Variants in PCSK5 observed in about 807,000 individuals in gnomAD.
The protein encoded by PCSK5 is proprotein convertase subtilisin/kexin type 5.
PCSK5 carries 129 observed loss-of-function variants against 233.2 expected under a neutral mutation model. That is an observed-to-expected ratio of 0.55 (90% CI 0.48 to 0.64). PCSK5 has a LOEUF of 0.64. Ranked by LOEUF, PCSK5 falls within the 30% of genes least tolerant of loss-of-function variation. PCSK5 has a pLI of 0.00. For synonymous variants in PCSK5, 825 were observed against 879.2 expected, an observed-to-expected ratio of 0.94 and a Z score of 1.09; for missense variants, 2,076 against 2,430.1, an observed-to-expected ratio of 0.85 and a Z score of 3.06.
intron 5 of PCSK5, among the ~76,000 whole-genome samples, chr9:76,039,800 C>T (rs1829015544): frequency 6.6e-6 from 1 of 152,096 alleles, no homozygotes; most frequent in East Asian, 1.9e-4. Context: ...ATTTTGTCTT[C>T]CAAAAAAACT....
At chr9:76,237,634 G>T (rs1006809630) in intron 22 of PCSK5, among the ~76,000 whole-genome samples, 2 of 151,956 alleles carry the variant, frequency 1.3e-5, no homozygotes, top group African/African-American at 4.8e-5. Context: ...AAAATGGTTG[G>T]GCATGGTGGC....
At chr9:75,972,070 G>A (rs1247115549) in intron 2 of PCSK5, among the ~76,000 whole-genome samples, 1 of 152,040 alleles carries the variant, frequency 6.6e-6, no homozygotes, top group African/African-American at 2.4e-5. Flanking sequence ...GTATAAAGAA[G>A]GGGTCCAGTT....
chr9:76,061,414 C>T (rs537217286), intron 5 of PCSK5, among the ~76,000 whole-genome samples: 8 of 152,206 alleles, frequency 5.3e-5, no homozygotes, highest in Admixed American at 2.0e-4. Context: ...ACAAGTAAGT[C>T]GTGGGCCAAA....
intron 10 of PCSK5, among the ~76,000 whole-genome samples, chr9:76,154,028 C>A (rs1289892984): frequency 6.6e-6 from 1 of 152,200 alleles, no homozygotes; most frequent in African/African-American, 2.4e-5. Context: ...TGCTTCCAAA[C>A]TGCATAATGG....
At chr9:76,274,993 A>C (rs1043665797) in intron 24 of PCSK5, among the ~76,000 whole-genome samples, 1 of 152,130 alleles carries the variant, frequency 6.6e-6, no homozygotes, top group Non-Finnish European at 1.5e-5. Context: ...TTAGTAAAGC[A>C]AGAACTCACT....
At position 76,310,656 on chromosome 9, in the gene PCSK5, G is replaced by A; in HGVS notation, c.3689G>A (p.Gly1230Asp). The stretch of plus-strand genomic sequence containing the variant: ...TCTTCCCTCTTCCCTGAATTTCTAG[G>A]TGCATATCTTCTGGCTCAGGCCTGT... The part of the protein sequence containing the change: ...SATLCTSCPK[G>D]AYLLAQACVS... The change falls in exon 30 of 38, where the codon GGT becomes GAT. Residue 1230 changes from glycine to aspartate, a missense_variant and splice_region_variant. Gly to Asp is a moderately conservative substitution (Grantham distance 94). Around this residue, in one of 6 missense-constraint regions of PCSK5, gnomAD observed 1,510 missense variants for 1,538.1 expected, o/e 0.98. Coordinates refer to ENST00000674117, the MANE Select transcript of PCSK5 (RefSeq NM_001372043.1). The A allele has an allele frequency of 6.4e-7, 1 of 1,559,498 alleles. No individual in the cohort carries two copies.
chr9:76,246,936 G>T (rs2131338899), intron 24 of PCSK5, among the ~76,000 whole-genome samples: 1 of 152,366 alleles, frequency 6.6e-6, no homozygotes, highest in East Asian at 1.9e-4. Flanking sequence ...CAAGCCTCAT[G>T]TTCTCTGACC....
chr9:75,937,685 A>G (rs1051964372), intron 2 of PCSK5, among the ~76,000 whole-genome samples: 5 of 152,212 alleles, frequency 3.3e-5, no homozygotes, highest in Admixed American at 2.0e-4. Context: ...TATTTCATCT[A>G]CATTGAACAT....
intron 11 of PCSK5, among the ~76,000 whole-genome samples, chr9:76,157,652 T>G (rs1444603028): frequency 6.6e-6 from 1 of 151,892 alleles, no homozygotes; most frequent in Non-Finnish European, 1.5e-5. Context: ...CTTAGTAGGC[T>G]TATTAGTGTT....
chr9:75,929,851 T>C (rs1823696941), intron 1 of PCSK5, among the ~76,000 whole-genome samples: 1 of 150,040 alleles, frequency 6.7e-6, no homozygotes, highest in Non-Finnish European at 1.5e-5. Context: ...CTTATAAAAC[T>C]GTCAGATCTC....
chr9:75,967,281 G>A (rs549867891), intron 2 of PCSK5, among the ~76,000 whole-genome samples: 75 of 152,176 alleles, frequency 4.9e-4, no homozygotes, highest in African/African-American at 1.7e-3. Flanking sequence ...AGTATCTGCT[G>A]TTGCCATCTT....
intron 24 of PCSK5, among the ~76,000 whole-genome samples, chr9:76,244,563 GTTTTT>G (rs3077122): frequency 3.0e-5 from 2 of 66,746 alleles, no homozygotes; most frequent in Non-Finnish European, 6.5e-5. Flanking sequence ...AAATCCTGGG[GTTTTT>G]TTTTTTTTTT....
Position 76,181,452 on chromosome 9 carries a change from C to T in PCSK5, c.2058C>T (p.Cys686=), listed in dbSNP as rs1199252026. The change falls in exon 16 of 38, where the codon TGC becomes TGT. Residue 686 remains cysteine (C), a synonymous_variant. Coordinates refer to ENST00000674117, the MANE Select transcript of PCSK5 (RefSeq NM_001372043.1). The part of the protein sequence containing the change: ...PGHYHADKKR[C]RKCAPNCESC... Reference sequence around the variant, plus strand: ...ACTACCACGCCGACAAGAAGCGCTGCAGGAAGTGTGCCCCCAACTGTGAGT... The same window carrying T: ...ACTACCACGCCGACAAGAAGCGCTGTAGGAAGTGTGCCCCCAACTGTGAGT... 1.2e-6 allele frequency: 2 copies of T among 1,614,046 alleles called. No homozygotes were observed. The highest frequency in any genetic ancestry group is 1.3e-5 in the African/African-American group (1 of 75,028).
intron 3 of PCSK5, among the ~76,000 whole-genome samples, chr9:75,995,534 C>T (rs1445594795): frequency 1.3e-5 from 2 of 152,046 alleles, no homozygotes; most frequent in Non-Finnish European, 2.9e-5. Flanking sequence ...GTGATTTTAT[C>T]TGGGAGTGCT....
At chr9:76,108,707 C>T (rs564009440) in intron 9 of PCSK5, among the ~76,000 whole-genome samples, 1 of 152,248 alleles carries the variant, frequency 6.6e-6, no homozygotes. Context: ...GAGCCGAGAT[C>T]GCCCCACTGC....
At chr9:75,963,898 A>C (rs944575777) in intron 2 of PCSK5, among the ~76,000 whole-genome samples, 6 of 152,202 alleles carry the variant, frequency 3.9e-5, no homozygotes, top group Non-Finnish European at 7.3e-5. Context: ...AAAATTAAAA[A>C]AAAAATTCAG....
In PCSK5 at chr9:76,295,377, G is replaced by T; in HGVS notation, c.3288G>T (p.Gly1096=). The T allele has an allele frequency of 6.2e-7, 1 of 1,612,252 alleles. No homozygotes were observed. Among genetic ancestry groups the T allele is most frequent in the Non-Finnish European group, 8.5e-7 (1 of 1,179,416 alleles). ...ACTGTGGCAGCTGTGACCAGAATGGGTGTTACTGGTGTGAAGAGGGCTTCT... is the reference window on the plus strand; with the variant it reads ...ACTGTGGCAGCTGTGACCAGAATGGTTGTTACTGGTGTGAAGAGGGCTTCT... ...DSNCGSCDQN[G]CYWCEEGFFL... The change falls in exon 26 of 38, where the codon GGG becomes GGT. Residue 1096 remains glycine, a synonymous_variant. Coordinates refer to ENST00000674117, the MANE Select transcript of PCSK5 (RefSeq NM_001372043.1).
At chr9:76,189,866 T>C in intron 20 of PCSK5, 120 bp downstream of exon 20, 1 of 589,376 alleles carries the variant, frequency 1.7e-6, no homozygotes, top group Non-Finnish European at 3.0e-6. Flanking sequence ...ACATGCTCAA[T>C]ATTTTGGTGG....
intron 2 of PCSK5, among the ~76,000 whole-genome samples, chr9:75,980,408 AC>A (rs1343761288): frequency 1.3e-5 from 2 of 152,256 alleles, no homozygotes; most frequent in East Asian, 3.9e-4. Context: ...CCTCTGAATG[AC>A]CTTTCAAAAA....
Sources: allele counts gnomAD v4.1 joint callset (sites outside exome capture counted in the v4.1 genomes callset), GRCh38; gene constraint gnomAD v4.1.1; regional missense constraint gnomAD v4.1.1; transcripts MANE v1.5; gene names NCBI Gene and HGNC (gene_info 2026-07-23, HGNC 2026-07-21).